ARHGAP39: variants seen among roughly 807,000 people sequenced by gnomAD.
The protein encoded by ARHGAP39 is Rho GTPase activating protein 39.
ARHGAP39 carries 44 observed loss-of-function variants against 106.9 expected under a neutral mutation model. That is an observed-to-expected ratio of 0.41 (90% CI 0.32 to 0.53). The LOEUF is 0.53. Among genes scored for constraint, ARHGAP39 ranks in the 20% least tolerant of loss-of-function variants. The pLI, the probability that ARHGAP39 is intolerant of heterozygous loss-of-function variation, is 0.21. For missense variants in ARHGAP39, 1,496 were observed against 1,577.3 expected, an observed-to-expected ratio of 0.95 and a Z score of 0.87; for synonymous variants, 768 against 693.2, an observed-to-expected ratio of 1.11 and a Z score of -1.69.
chr8:144,627,871 G>A (rs1347189080), intron 1 of ARHGAP39, among the ~76,000 whole-genome samples: 7 of 152,228 alleles, frequency 4.6e-5, no homozygotes, highest in Non-Finnish European at 8.8e-5. Flanking sequence ...AGTCACAGCA[G>A]TGCTCTGCCA....
In ARHGAP39 at chr8:144,670,710, C is replaced by G. The variant is rs781618940; in HGVS notation, c.-82+14976G>C. 6.6e-6 allele frequency among the ~76,000 whole-genome samples: 1 copy of G among 152,134 alleles called. No individual in the cohort carries two copies. Among genetic ancestry groups the G allele is most frequent in the Non-Finnish European group, 1.5e-5 (1 of 68,024 alleles). The stretch of plus-strand genomic sequence containing the variant: ...CCAGACTCAATCTCCCTCCTGGAGG[C>G]TTGCCCTGAGCTCCTCATCTAAATG... On this transcript the variant is annotated intron_variant, in intron 1 of 11. Transcript: ENST00000377307. This position sits in a 1 kb window ranked among gnomAD's most constrained non-coding sequence, Gnocchi z 4.4.
intron 3 of ARHGAP39, among the ~76,000 whole-genome samples, chr8:144,558,002 G>A (rs1226651305): frequency 1.3e-5 from 2 of 152,214 alleles, no homozygotes; most frequent in African/African-American, 4.8e-5. Flanking sequence ...TCAGCAGTGC[G>A]GAGAGACCTC....
intron 1 of ARHGAP39, among the ~76,000 whole-genome samples, chr8:144,620,308 T>C (rs1338957401): frequency 2.2e-3 from 70 of 32,434 alleles, no homozygotes; most frequent in Non-Finnish European, 2.4e-3. Context: ...CAAGGGAGCG[T>C]GTGTGCCCGT....
At chr8:144,590,391 T>C (rs1819346187) in intron 2 of ARHGAP39, among the ~76,000 whole-genome samples, 1 of 152,218 alleles carries the variant, frequency 6.6e-6, no homozygotes, top group Non-Finnish European at 1.5e-5. Flanking sequence ...GGCAGACCCC[T>C]CATGGCTCAG....
At chr8:144,566,231 A>T (rs944341484) in intron 3 of ARHGAP39, among the ~76,000 whole-genome samples, 3 of 152,212 alleles carry the variant, frequency 2.0e-5, no homozygotes, top group Non-Finnish European at 4.4e-5. Context: ...ATAAACCCCT[A>T]TCTTAATCAA....
chr8:144,605,558 C>T lies in ARHGAP39; in HGVS notation c.57G>A (p.Ser19=), dbSNP rs367748801. 99 of 1,613,876 alleles carry T rather than the reference C, an allele frequency of 6.1e-5. No homozygotes were observed. The highest frequency in any genetic ancestry group is 7.5e-5 in the Non-Finnish European group (89 of 1,180,040). ...CRSHNVDLPE[S]RIPGSNTRLE... ...ACCGAGTGTTCGACCCTGGAATCCT[C>T]GACTCCGGCAGGTCGACATTATGGC... Residue 19 remains serine (S), a synonymous_variant, in exon 2 of 12, where the codon TCG becomes TCA. Coordinates refer to ENST00000377307, the MANE Select transcript of ARHGAP39 (RefSeq NM_025251.3).
chr8:144,648,268 C>T (rs1039229605), intron 1 of ARHGAP39, among the ~76,000 whole-genome samples: 1 of 152,194 alleles, frequency 6.6e-6, no homozygotes, highest in Non-Finnish European at 1.5e-5. Flanking sequence ...TGACTGTAGT[C>T]TCAGGAGACC....
In ARHGAP39 at chr8:144,645,415, CAG is replaced by C. The variant is rs1433885730; in HGVS notation, c.-81-39722_-81-39721del. ...CCTGCCTCACTGTGGTCTCTCCCGG[CAG>C]AGTCACTGATGGACTCCGTCAGGGC... is the stretch of plus-strand genomic sequence containing the variant. On this transcript the variant is annotated intron_variant, in intron 1 of 11. Coordinates refer to ENST00000377307, the MANE Select transcript of ARHGAP39 (RefSeq NM_025251.3). The surrounding 1 kb of genome is among the most constrained non-coding windows in gnomAD (Gnocchi z 4.4). Among the ~76,000 whole-genome samples, 17 of 152,182 alleles carry C rather than the reference CAG, an allele frequency of 1.1e-4. No homozygotes were observed. Among genetic ancestry groups the C allele is most frequent in the Non-Finnish European group, 2.5e-4 (17 of 68,036 alleles).
At chr8:144,662,905 T>TC (rs1330641390) in intron 1 of ARHGAP39, among the ~76,000 whole-genome samples, 5 of 137,214 alleles carry the variant, frequency 3.6e-5, no homozygotes, top group African/African-American at 5.5e-5. Context: ...CTCGGGCCTA[T>TC]CCCCCACCCC....
intron 1 of ARHGAP39, among the ~76,000 whole-genome samples, chr8:144,650,679 GA>G (rs1054727661): frequency 1.3e-5 from 2 of 152,132 alleles, no homozygotes; most frequent in African/African-American, 4.8e-5. Context: ...AATAGATGCA[GA>G]AAAGGGCTTC....
chr8:144,596,711 G>T (rs1194819687), intron 2 of ARHGAP39, among the ~76,000 whole-genome samples: 2 of 152,182 alleles, frequency 1.3e-5, no homozygotes, highest in Non-Finnish European at 2.9e-5. Context: ...GCAGGCCCCG[G>T]GTGGCGCGCA....
chr8:144,637,039 CGTGTCTTT>C (rs1175070914), intron 1 of ARHGAP39, among the ~76,000 whole-genome samples: 2 of 152,160 alleles, frequency 1.3e-5, no homozygotes, highest in African/African-American at 2.4e-5. Flanking sequence ...TTCCAGACGC[CGTGTCTTT>C]GTGTCTTTGT....
At chr8:144,675,505 T>C (rs1442241751) in intron 1 of ARHGAP39, among the ~76,000 whole-genome samples, 2 of 152,190 alleles carry the variant, frequency 1.3e-5, no homozygotes, top group Non-Finnish European at 2.9e-5. Context: ...TCGTGGTTAG[T>C]GTTACAGCTC....
chr8:144,551,660 G>A (rs1817695935), intron 4 of ARHGAP39, among the ~76,000 whole-genome samples: 1 of 150,534 alleles, frequency 6.6e-6, no homozygotes, highest in Non-Finnish European at 1.5e-5. Flanking sequence ...CCCTGGGGCA[G>A]CTCCTGAGCC....
the ARHGAP39 span, among the ~76,000 whole-genome samples, chr8:144,697,461 T>C: frequency 6.6e-6 from 1 of 152,216 alleles, no homozygotes; most frequent in African/African-American, 2.4e-5. Context: ...AGAATGGCTC[T>C]AGAATTGTAT....
rs557562246 is a variant in ARHGAP39, at chr8:144,546,995, C to T, written c.1959+132G>A. On this transcript the variant is annotated intron_variant, in intron 5 of 11. Transcript: ENST00000377307. ...GCTGGAGTGCCCAGGGCCCCGGAGA[C>T]ACGGGGCTTCAGAACTCTGCGTGCT... is the stretch of plus-strand genomic sequence containing the variant. 9.3e-5 allele frequency: 109 copies of T among 1,172,726 alleles called. No individual in the cohort carries two copies. In the East Asian group the frequency reaches 1.7e-3, roughly 19 times the overall value. 72.6% of individuals were successfully genotyped at this position (1,172,726 alleles called of 1,614,324 possible). A position where few individuals can be genotyped will look rare whatever the true frequency, so the allele number is the denominator to read the frequency against.
chr8:144,605,704 G>C lies in ARHGAP39; in HGVS notation c.-81-9C>G. 7.6e-7 allele frequency: 1 copy of C among 1,310,118 alleles called. No individual in the cohort carries two copies. Among genetic ancestry groups the C allele is most frequent in the Non-Finnish European group, 1.1e-6 (1 of 920,174 alleles). 81.2% of individuals were successfully genotyped at this position (1,310,118 alleles called of 1,614,324 possible). A position where few individuals can be genotyped will look rare whatever the true frequency, so the allele number is the denominator to read the frequency against. On this transcript the variant is annotated splice_polypyrimidine_tract_variant and intron_variant, in intron 1 of 11. Coordinates refer to ENST00000377307, the MANE Select transcript of ARHGAP39 (RefSeq NM_025251.3). ...GACGGGAAGGTGCCGCACTGCAAGA[G>C]GGGAGAAGCAACAGTGCTGATATGG...
At chr8:144,559,397 G>A (rs1029605162) in intron 3 of ARHGAP39, among the ~76,000 whole-genome samples, 6 of 127,416 alleles carry the variant, frequency 4.7e-5, no homozygotes, top group Non-Finnish European at 9.5e-5. Context: ...CATAATTAAA[G>A]CAGTGTAGTA....
chr8:144,686,221 T>C, upstream of ARHGAP39, among the ~76,000 whole-genome samples: 1 of 152,104 alleles, frequency 6.6e-6, no homozygotes, highest in East Asian at 1.9e-4. Context: ...ACTCTAGAAA[T>C]ACAGCCATTC....
Sources: allele counts gnomAD v4.1 joint callset (sites outside exome capture counted in the v4.1 genomes callset), GRCh38; gene constraint gnomAD v4.1.1; non-coding constraint Gnocchi (gnomAD v3.1); transcripts MANE v1.5; gene names NCBI Gene and HGNC (gene_info 2026-07-23, HGNC 2026-07-21).